EPHA6: variants seen among roughly 807,000 people sequenced by gnomAD.
The protein encoded by EPHA6 is ephrin type-A receptor 6.
In EPHA6, 50 loss-of-function variants were observed where a neutral mutation model predicts 112.0. The observed-to-expected ratio is 0.45, with a 90% CI of 0.36 to 0.56. The LOEUF is 0.56. Among genes scored for constraint, EPHA6 ranks in the 20% least tolerant of loss-of-function variants. The probability of loss-of-function intolerance (pLI) is 0.00; values close to 1 mark genes in which losing one functional copy is unlikely to be tolerated. For missense variants in EPHA6, 1,280 were observed against 1,417.4 expected, an observed-to-expected ratio of 0.90 and a Z score of 1.56; for synonymous variants, 529 against 490.7, an observed-to-expected ratio of 1.08 and a Z score of -1.03.
chr3:97,742,355 C>T lies in EPHA6; in HGVS notation c.3129-5068C>T, dbSNP rs541930911. Among the ~76,000 whole-genome samples the T allele has an allele frequency of 1.3e-3, 201 of 152,168 alleles. 1 individual carries two copies. The highest frequency in any genetic ancestry group is 4.7e-3 in the African/African-American group (197 of 41,554). On this transcript the variant is annotated intron_variant, in intron 16 of 17. Coordinates refer to ENST00000389672, the MANE Select transcript of EPHA6 (RefSeq NM_001080448.3). ...AGGTTCAGGGGTCTATTACTCTGGC[C>T]GTAGGAACCATGTGCTGGGTACACT... is the stretch of plus-strand genomic sequence containing the variant.
At chr3:97,221,099 A>T (rs2108533270) in intron 3 of EPHA6, among the ~76,000 whole-genome samples, 1 of 151,990 alleles carries the variant, frequency 6.6e-6, no homozygotes, top group African/African-American at 2.4e-5. Flanking sequence ...GCGGATCACA[A>T]AGTCAGGAGC....
chr3:97,598,249 A>C (rs1193362834), intron 12 of EPHA6, among the ~76,000 whole-genome samples: 2 of 151,040 alleles, frequency 1.3e-5, no homozygotes, highest in Non-Finnish European at 2.9e-5. Flanking sequence ...TCCATCTTTC[A>C]GGTCATTTAG....
chr3:97,655,722 G>GT (rs2094134065), intron 14 of EPHA6, among the ~76,000 whole-genome samples: 1 of 145,292 alleles, frequency 6.9e-6, no homozygotes, highest in African/African-American at 2.5e-5. Context: ...CATGGACACA[G>GT]GAAGTGGAAC....
intron 1 of EPHA6, among the ~76,000 whole-genome samples, chr3:96,822,486 T>C (rs72931342): frequency 0.013 from 2,027 of 151,888 alleles, 49 homozygotes; most frequent in African/African-American, 0.045. Flanking sequence ...ATAGATGTAA[T>C]TGACAACTCA....
At chr3:96,859,159 A>AC (rs939278204) in intron 1 of EPHA6, among the ~76,000 whole-genome samples, 7 of 151,104 alleles carry the variant, frequency 4.6e-5, no homozygotes, top group Non-Finnish European at 7.4e-5. Context: ...ACCCACAAAC[A>AC]CCCCCCCAAC....
intron 2 of EPHA6, among the ~76,000 whole-genome samples, chr3:96,961,361 C>T (rs1280432034): frequency 6.6e-6 from 1 of 152,196 alleles, no homozygotes; most frequent in Non-Finnish European, 1.5e-5. Flanking sequence ...TTCTTCTTTA[C>T]AGTTTGGTTC....
intron 5 of EPHA6, among the ~76,000 whole-genome samples, chr3:97,257,065 T>C (rs2079338679): frequency 6.6e-6 from 1 of 151,950 alleles, no homozygotes; most frequent in Non-Finnish European, 1.5e-5. Flanking sequence ...TATCTCAAAC[T>C]AATGAGAAAG....
At chr3:97,687,209 C>T (rs996039645) in intron 14 of EPHA6, among the ~76,000 whole-genome samples, 3 of 151,964 alleles carry the variant, frequency 2.0e-5, no homozygotes, top group South Asian at 2.1e-4. Context: ...ACATCTTTTT[C>T]GAGTGCTTTA....
At chr3:97,122,414 A>G (rs2048065955) in intron 3 of EPHA6, among the ~76,000 whole-genome samples, 1 of 152,082 alleles carries the variant, frequency 6.6e-6, no homozygotes, top group African/African-American at 2.4e-5. Flanking sequence ...TGGATCTCAG[A>G]ATCACCTGTT....
intron 3 of EPHA6, among the ~76,000 whole-genome samples, chr3:97,205,896 C>G (rs907575675): frequency 6.6e-6 from 1 of 152,006 alleles, no homozygotes; most frequent in Admixed American, 6.6e-5. Flanking sequence ...AGTTATAATA[C>G]TATTCTTGTC....
chr3:96,877,235 C>T (rs973672789), intron 2 of EPHA6, among the ~76,000 whole-genome samples: 1 of 151,972 alleles, frequency 6.6e-6, no homozygotes, highest in African/African-American at 2.4e-5. Flanking sequence ...TCTTGTTCAT[C>T]GTTAGTCTTA....
chr3:97,344,775 A>C (rs1577042483), intron 5 of EPHA6, among the ~76,000 whole-genome samples: 1 of 152,138 alleles, frequency 6.6e-6, no homozygotes, highest in African/African-American at 2.4e-5. Flanking sequence ...TTATGGATTT[A>C]ATTTGCATAC....
chr3:97,062,552 C>A lies in EPHA6; in HGVS notation c.1114+74559C>A, dbSNP rs140887120. On this transcript the variant is annotated intron_variant, in intron 3 of 17. Coordinates refer to ENST00000389672, the MANE Select transcript of EPHA6 (RefSeq NM_001080448.3). The stretch of plus-strand genomic sequence containing the variant: ...CTATATGGTTTGGGTCTGCCCCAAC[C>A]CAAATCTCACCTTGAATTGTAGCTC... Among the ~76,000 whole-genome samples, 658 of 152,270 alleles carry A rather than the reference C, an allele frequency of 4.3e-3. 9 individuals are homozygous for A. Among genetic ancestry groups the A allele is most frequent in the African/African-American group, 0.014 (593 of 41,546 alleles).
intron 5 of EPHA6, among the ~76,000 whole-genome samples, chr3:97,363,171 AATATAT>A (rs58214738): frequency 4.1e-4 from 21 of 51,436 alleles, no homozygotes; most frequent in East Asian, 2.4e-3. Context: ...TTGCCCCTGC[AATATAT>A]ATATATATAT....
chr3:97,624,702 G>T (rs528896420), intron 13 of EPHA6, among the ~76,000 whole-genome samples: 122 of 151,608 alleles, frequency 8.0e-4, no homozygotes, highest in South Asian at 1.5e-3. Context: ...TTTATCAAGA[G>T]ATTTTTTATT....
chr3:96,832,002 G>C (rs1306007109), intron 1 of EPHA6, among the ~76,000 whole-genome samples: 1 of 152,040 alleles, frequency 6.6e-6, no homozygotes, highest in African/African-American at 2.4e-5. Flanking sequence ...TTGGCCTTGA[G>C]TGGGTCAAGC....
chr3:97,598,565 T>G (rs978264579), intron 12 of EPHA6, among the ~76,000 whole-genome samples: 9 of 151,864 alleles, frequency 5.9e-5, no homozygotes, highest in East Asian at 5.8e-4. Flanking sequence ...GATTTCCAAT[T>G]TCATCCATGT....
chr3:96,998,862 T>A (rs2107893266), intron 3 of EPHA6, among the ~76,000 whole-genome samples: 1 of 152,114 alleles, frequency 6.6e-6, no homozygotes, highest in Middle Eastern at 3.4e-3. Flanking sequence ...TTTGAAATAA[T>A]TTAAATCTCA....
At chr3:96,867,268 A>G (rs554868383) in intron 2 of EPHA6, among the ~76,000 whole-genome samples, 1 of 151,942 alleles carries the variant, frequency 6.6e-6, no homozygotes, top group South Asian at 2.1e-4. Flanking sequence ...GTATAAATGG[A>G]TTGTGCAAAT....
Sources: allele counts gnomAD v4.1 joint callset (sites outside exome capture counted in the v4.1 genomes callset), GRCh38; gene constraint gnomAD v4.1.1; transcripts MANE v1.5; gene names NCBI Gene and HGNC (gene_info 2026-07-23, HGNC 2026-07-21).